ANO4: variants seen among roughly 807,000 people sequenced by gnomAD.
ANO4 encodes the protein anoctamin-4.
In ANO4, 69 loss-of-function variants were observed where a neutral mutation model predicts 141.9. That is an observed-to-expected ratio of 0.49 (90% CI 0.40 to 0.59). The LOEUF is 0.59. Ranked by LOEUF, ANO4 falls within the 20% of genes least tolerant of loss-of-function variation. The pLI, the probability that ANO4 is intolerant of heterozygous loss-of-function variation, is 0.00. For synonymous variants in ANO4, 350 were observed against 394.3 expected (o/e 0.89, Z 1.33); for missense variants, 894 against 1,162.2 (o/e 0.77, Z 3.36).
At chr12:100,776,121 C>G (rs910644752) in intron 3 of ANO4, among the ~76,000 whole-genome samples, 14 of 152,044 alleles carry the variant, frequency 9.2e-5, no homozygotes, top group Non-Finnish European at 7.4e-5. Context: ...TGTTATTATC[C>G]CCGCTACACA....
At chr12:100,924,760 G>C (rs950094943) in intron 3 of ANO4, among the ~76,000 whole-genome samples, 39 of 151,970 alleles carry the variant, frequency 2.6e-4, no homozygotes, top group Admixed American at 1.6e-3. Context: ...TTCAATAAAT[G>C]ATAAAAGTTG....
At chr12:101,020,168 A>G in intron 9 of ANO4, 28 bp downstream of exon 9, 1 of 1,487,964 alleles carries the variant, frequency 6.7e-7, no homozygotes, top group Non-Finnish European at 9.3e-7. Flanking sequence ...ATAACAAACT[A>G]CATTTGGCAT....
chr12:100,905,604 T>C (rs1200366994), intron 2 of ANO4, among the ~76,000 whole-genome samples: 1 of 152,038 alleles, frequency 6.6e-6, no homozygotes, highest in African/African-American at 2.4e-5. Flanking sequence ...CTGATTGAAG[T>C]GGATTTAAGG....
intron 14 of ANO4, among the ~76,000 whole-genome samples, chr12:101,069,693 G>T (rs2048732042): frequency 6.6e-6 from 1 of 152,118 alleles, no homozygotes; most frequent in Admixed American, 6.5e-5. Flanking sequence ...TTTGCCCCCT[G>T]TTACTCCCCT....
At chr12:100,871,037 A>G (rs1260296942) in intron 1 of ANO4, among the ~76,000 whole-genome samples, 1 of 152,210 alleles carries the variant, frequency 6.6e-6, no homozygotes, top group African/African-American at 2.4e-5. Context: ...ACCTCTTAAC[A>G]TCACTATTTC....
intron 2 of ANO4, among the ~76,000 whole-genome samples, chr12:100,919,760 C>G (rs1468601187): frequency 6.0e-5 from 9 of 150,906 alleles, no homozygotes; most frequent in East Asian, 2.0e-4. Context: ...ATCTATCTAT[C>G]TATCTATCTA....
At chr12:100,771,554 G>A (rs959558166) in intron 3 of ANO4, among the ~76,000 whole-genome samples, 5 of 152,146 alleles carry the variant, frequency 3.3e-5, no homozygotes, top group African/African-American at 1.2e-4. Context: ...GCAGACATGA[G>A]GGCTATCTCA....
chr12:100,746,136 A>G (rs1229209346), intron 3 of ANO4, among the ~76,000 whole-genome samples: 1 of 152,188 alleles, frequency 6.6e-6, no homozygotes, highest in South Asian at 2.1e-4. Flanking sequence ...TCCTGAAAGA[A>G]TGACTAAACA....
chr12:100,872,999 C>G (rs2039108868), intron 1 of ANO4, among the ~76,000 whole-genome samples: 1 of 152,142 alleles, frequency 6.6e-6, no homozygotes, highest in South Asian at 2.1e-4. Flanking sequence ...TGTGCAGCAC[C>G]TCCCTCTTGT....
At chr12:100,836,496 C>G (rs371125318) in intron 1 of ANO4, among the ~76,000 whole-genome samples, 3 of 145,464 alleles carry the variant, frequency 2.1e-5, no homozygotes, top group East Asian at 4.2e-4. Flanking sequence ...CCCCCCTCCC[C>G]CCATCCCACA....
At chr12:100,905,722 G>A (rs570376528) in intron 2 of ANO4, among the ~76,000 whole-genome samples, 12 of 152,248 alleles carry the variant, frequency 7.9e-5, no homozygotes, top group African/African-American at 2.4e-4. Context: ...GAGAAGTAAG[G>A]TCAAGAGTTT....
intron 10 of ANO4, chr12:101,038,940 A>T (rs2047307547): frequency 6.6e-6 from 1 of 152,018 alleles, no homozygotes. Context: ...TAAATAAGAA[A>T]GGGCTTCTCC....
At chr12:100,811,901 C>T (rs750713363) in intron 1 of ANO4, among the ~76,000 whole-genome samples, 3 of 152,132 alleles carry the variant, frequency 2.0e-5, no homozygotes, top group Non-Finnish European at 4.4e-5. Flanking sequence ...TCTTCTCTTG[C>T]CCCCATAGTT....
At chr12:101,018,594 A>C (rs923252795) in intron 8 of ANO4, among the ~76,000 whole-genome samples, 8 of 152,028 alleles carry the variant, frequency 5.3e-5, no homozygotes, top group African/African-American at 1.9e-4. Flanking sequence ...TCTTCCTCTC[A>C]TTATTTGAAC....
At chr12:100,780,419 C>G (rs1354776485) in intron 3 of ANO4, among the ~76,000 whole-genome samples, 6 of 152,148 alleles carry the variant, frequency 3.9e-5, no homozygotes. Flanking sequence ...TGCTGGCTAG[C>G]TGTATTTATA....
intron 1 of ANO4, among the ~76,000 whole-genome samples, chr12:100,873,298 G>A (rs1407518568): frequency 1.3e-5 from 2 of 152,226 alleles, no homozygotes; most frequent in South Asian, 2.1e-4. Context: ...GAAGTTGAAA[G>A]AGTATGGAGG....
chr12:101,080,104 A>G (rs1419344868), intron 15 of ANO4, among the ~76,000 whole-genome samples: 1 of 152,174 alleles, frequency 6.6e-6, no homozygotes, highest in Non-Finnish European at 1.5e-5. Flanking sequence ...TAAACCACTC[A>G]TATGTGTAAT....
At chr12:100,838,229 CAAAAA>C (rs11331726) in intron 1 of ANO4, among the ~76,000 whole-genome samples, 1 of 84,240 alleles carries the variant, frequency 1.2e-5, no homozygotes. Flanking sequence ...GACTCCGTCT[CAAAAA>C]AAAAAAAAAA....
chr12:100,780,332 G>T (rs1476342908), intron 3 of ANO4, among the ~76,000 whole-genome samples: 2 of 152,190 alleles, frequency 1.3e-5, no homozygotes, highest in African/African-American at 4.8e-5. Context: ...GAGCAACGGG[G>T]TGCAGCAAAA....
Sources: allele counts gnomAD v4.1 joint callset (sites outside exome capture counted in the v4.1 genomes callset), GRCh38; gene constraint gnomAD v4.1.1; transcripts MANE v1.5; gene names NCBI Gene and HGNC (gene_info 2026-07-23, HGNC 2026-07-21).